DGCR2: variants seen among roughly 807,000 people sequenced by gnomAD.
The protein encoded by DGCR2 is integral membrane protein DGCR2/IDD.
DGCR2 carries 24 observed loss-of-function variants against 51.6 expected under a neutral mutation model. The observed-to-expected ratio is 0.47, with a 90% CI of 0.34 to 0.65. The LOEUF is 0.65. DGCR2 is among the 30% of genes least tolerant of loss of function. The pLI is 0.01. For synonymous variants in DGCR2, 340 were observed against 315.4 expected (o/e 1.08, Z -0.82); for missense variants, 765 against 772.1 (o/e 0.99, Z 0.11).
At chr22:19,094,603 G>C (rs1367310196) in intron 1 of DGCR2, among the ~76,000 whole-genome samples, 1 of 152,202 alleles carries the variant, frequency 6.6e-6, no homozygotes, top group Non-Finnish European at 1.5e-5. Flanking sequence ...TTTAAAAACT[G>C]AATGTATACC....
At position 19,071,730 on chromosome 22, in the gene DGCR2, T is replaced by C. The variant is rs537258663; in HGVS notation, c.203-3505A>G. ...GGAAAGAAACCTGTAAAGGATGTTC[T>C]GGGGATAATGAAAAGAATCTGAATA... is the stretch of plus-strand genomic sequence containing the variant. On this transcript the variant is annotated intron_variant, in intron 2 of 9. Transcript: ENST00000263196. 3.1e-3 allele frequency among the ~76,000 whole-genome samples: 467 copies of C among 152,356 alleles called. 2 individuals are homozygous for C. Among genetic ancestry groups the C allele is most frequent in the Non-Finnish European group, 5.7e-3 (385 of 68,038 alleles).
chr22:19,048,351 G>A, intron 7 of DGCR2, 89 bp downstream of exon 7: 1 of 1,405,104 alleles, frequency 7.1e-7, no homozygotes. Context: ...AAACTCTCCT[G>A]AGTCCTCACC....
Position 19,070,815 on chromosome 22 carries a change from A to C in DGCR2, c.203-2590T>G, listed in dbSNP as rs115017484. ...CATTCATCCCCTCACCCCCACGTTT[A>C]TTCAATGCCCATTCTGGGCCCACCA... On this transcript the variant is annotated intron_variant, in intron 2 of 9. Transcript: ENST00000263196. Among the ~76,000 whole-genome samples, 628 of 152,292 alleles carry C rather than the reference A, an allele frequency of 4.1e-3. 2 individuals are homozygous for C. Among genetic ancestry groups the C allele is most frequent in the African/African-American group, 0.015 (609 of 41,566 alleles).
intron 6 of DGCR2, among the ~76,000 whole-genome samples, chr22:19,053,483 G>A (rs1480625708): frequency 6.6e-6 from 1 of 152,050 alleles, no homozygotes; most frequent in Admixed American, 6.5e-5. Flanking sequence ...GGTGCACTGA[G>A]GGCAACTACA....
chr22:19,090,253 A>C lies in DGCR2; in HGVS notation c.80-763T>G, dbSNP rs372831200. On this transcript the variant is annotated intron_variant, in intron 1 of 9. Coordinates refer to ENST00000263196, the MANE Select transcript of DGCR2 (RefSeq NM_005137.3). ...CACACACCCTAATACATGGGGGAAC[A>C]GACACAACATCTGAAGAAACAATGG... 1.1e-4 allele frequency among the ~76,000 whole-genome samples: 17 copies of C among 152,360 alleles called. No individual in the cohort carries two copies. The East Asian group carries it at 2.5e-3, about 22-fold the overall frequency.
intron 2 of DGCR2, among the ~76,000 whole-genome samples, chr22:19,081,355 G>T (rs755992321): frequency 6.6e-6 from 1 of 152,138 alleles, no homozygotes; most frequent in African/African-American, 2.4e-5. Flanking sequence ...ACATGTGTAT[G>T]TATCTATAAG....
chr22:19,099,304 G>A (rs768298367), intron 1 of DGCR2, among the ~76,000 whole-genome samples: 2 of 152,176 alleles, frequency 1.3e-5, no homozygotes, highest in Non-Finnish European at 2.9e-5. Context: ...CACTGACTAC[G>A]CGTGGTGACT....
intron 2 of DGCR2, among the ~76,000 whole-genome samples, chr22:19,086,380 G>A (rs936181140): frequency 2.6e-5 from 4 of 152,134 alleles, no homozygotes; most frequent in Non-Finnish European, 5.9e-5. Context: ...TCAGGAGGCT[G>A]AGGCAGGAGA....
At chr22:19,107,858 G>A (rs2083274647) in intron 1 of DGCR2, among the ~76,000 whole-genome samples, 1 of 152,174 alleles carries the variant, frequency 6.6e-6, no homozygotes, top group African/African-American at 2.4e-5. Context: ...TCCAACACTC[G>A]CACCACATTT....
chr22:19,100,609 T>C (rs918220549), intron 1 of DGCR2, among the ~76,000 whole-genome samples: 2 of 149,984 alleles, frequency 1.3e-5, no homozygotes, highest in African/African-American at 2.5e-5. Context: ...GAGGTTGCAG[T>C]GAGCCAAGAT....
intron 6 of DGCR2, chr22:19,056,289 T>C (rs1601521820): frequency 1.6e-5 from 3 of 182,076 alleles, no homozygotes; most frequent in African/African-American, 2.4e-5. Flanking sequence ...CACTCCAGCC[T>C]GGGCAACAGA....
intron 2 of DGCR2, among the ~76,000 whole-genome samples, chr22:19,080,227 A>T (rs933715523): frequency 6.6e-6 from 1 of 152,050 alleles, no homozygotes; most frequent in African/African-American, 2.4e-5. Flanking sequence ...TTCAACCTCC[A>T]CGACTCCCCT....
intron 1 of DGCR2, among the ~76,000 whole-genome samples, chr22:19,093,086 C>T (rs912336787): frequency 2.6e-5 from 4 of 152,154 alleles, no homozygotes; most frequent in Non-Finnish European, 5.9e-5. Context: ...AATAGCCAGG[C>T]CCAGTGGCTC....
At position 19,063,231 on chromosome 22, in the gene DGCR2, A is replaced by AAGG; in HGVS notation, c.593_595dup (p.Ser198dup). 1 of 1,614,218 alleles carries AAGG rather than the reference A, an allele frequency of 6.2e-7. No homozygotes were observed. Among genetic ancestry groups the AAGG allele is most frequent in the Non-Finnish European group, 8.5e-7 (1 of 1,180,026 alleles). ...GAATGCCACCTCCCAGCGACCTTCC[A>AAGG]AGGAGCGGTTCCGGCCAGTGATAAC... On this transcript the variant is annotated inframe_insertion, in exon 5 of 10. Transcript: ENST00000263196.
At chr22:19,103,688 A>T (rs1370580384) in intron 1 of DGCR2, among the ~76,000 whole-genome samples, 1 of 147,358 alleles carries the variant, frequency 6.8e-6, no homozygotes, top group African/African-American at 2.5e-5. Context: ...TCGGCCTCCT[A>T]AAGTGTTGGG....
rs1320072132 is a variant in DGCR2 at position 19,040,947 on chromosome 22, C to T, written c.1396+111G>A. ...CTTAAAGGAAAAACCAAAGACAAAG[C>T]CGGAAAGAAGTGAGGTCCCTAGGCC... On this transcript the variant is annotated intron_variant, in intron 9 of 9. Transcript: ENST00000263196. 5.0e-6 allele frequency: 5 copies of T among 993,088 alleles called. No individual in the cohort carries two copies. The African/African-American group carries it at 6.5e-5, about 13-fold the overall frequency. The allele number at this position is 993,088 out of a possible 1,614,324, so 61.5% of individuals were successfully genotyped here. A position where few individuals can be genotyped will look rare whatever the true frequency, so the allele number is the denominator to read the frequency against.
chr22:19,069,813 A>G (rs923488851), intron 2 of DGCR2, among the ~76,000 whole-genome samples: 5 of 152,178 alleles, frequency 3.3e-5, no homozygotes, highest in African/African-American at 7.2e-5. Context: ...TCAGTACTCA[A>G]TAAGCATAGT....
chr22:19,100,203 AG>A lies in DGCR2; in HGVS notation c.80-10714del, dbSNP rs560205376. ...AAGAATCGCTTGAACCGGGGAGGCG[AG>A]GTTGCAGTGAGCCAAGATCACGCTA... On this transcript the variant is annotated intron_variant, in intron 1 of 9. Coordinates refer to ENST00000263196, the MANE Select transcript of DGCR2 (RefSeq NM_005137.3). Among the ~76,000 whole-genome samples, 156 of 151,758 alleles carry A rather than the reference AG, an allele frequency of 1.0e-3. 1 individual carries two copies. The highest frequency in any genetic ancestry group is 1.9e-3 in the Non-Finnish European group (127 of 67,932).
chr22:19,071,650 C>CA (rs1396701460), intron 2 of DGCR2, among the ~76,000 whole-genome samples: 1 of 152,146 alleles, frequency 6.6e-6, no homozygotes, highest in African/African-American at 2.4e-5. Context: ...AAGAACAAAG[C>CA]AATACGGCAA....
Sources: gnomAD v4.1 joint callset for allele counts (sites outside exome capture counted in the v4.1 genomes callset) on GRCh38, gnomAD v4.1.1 for gene constraint, MANE v1.5 for transcripts, NCBI Gene and HGNC (gene_info 2026-07-23, HGNC 2026-07-21) for gene names.